The following DLC1 variants were observed in gnomAD, a reference collection of about 807,000 sequenced individuals.
The protein encoded by DLC1 is DLC1 Rho GTPase activating protein.
A neutral mutation model predicts 140.3 loss-of-function variants in DLC1; 54 were observed. The observed-to-expected ratio is 0.38, with a 90% CI of 0.31 to 0.48. The LOEUF (loss-of-function observed/expected upper bound fraction) is 0.48. DLC1 is among the 20% of genes least tolerant of loss of function. The pLI is 0.96. For synonymous variants in DLC1, 986 were observed against 728.1 expected (o/e 1.35, Z -5.70); for missense variants, 2,536 against 1,907.0 (o/e 1.33, Z -6.14).
intron 1 of DLC1, among the ~76,000 whole-genome samples, chr8:13,575,138 G>A (rs1804792775): frequency 6.6e-6 from 1 of 152,170 alleles, no homozygotes; most frequent in Non-Finnish European, 1.5e-5. Context: ...TCAAATTACA[G>A]CGAAAATTGC....
intron 4 of DLC1, among the ~76,000 whole-genome samples, chr8:13,348,558 C>T (rs974028832): frequency 3.9e-5 from 6 of 152,118 alleles, no homozygotes; most frequent in African/African-American, 1.4e-4. Context: ...AGATGATGAA[C>T]ACTTTTTGAC....
At chr8:13,306,988 G>T (rs1586105879) in intron 4 of DLC1, among the ~76,000 whole-genome samples, 1 of 148,948 alleles carries the variant, frequency 6.7e-6, no homozygotes, top group Admixed American at 6.8e-5. Flanking sequence ...GGAGGCTGAG[G>T]CAGGAGAACC....
intron 1 of DLC1, among the ~76,000 whole-genome samples, chr8:13,534,018 T>G (rs914181771): frequency 6.6e-6 from 1 of 152,136 alleles, no homozygotes; most frequent in Non-Finnish European, 1.5e-5. Flanking sequence ...TTTATAGCAG[T>G]ATGAAAATGG....
At chr8:13,297,994 G>A (rs73663525) in intron 5 of DLC1, among the ~76,000 whole-genome samples, 12,596 of 152,042 alleles carry the variant, frequency 0.083, 921 homozygotes, top group East Asian at 0.37. Flanking sequence ...TTTACAAGGA[G>A]CTTGGAATAA....
chr8:13,314,699 A>C (rs1468668752), intron 4 of DLC1, among the ~76,000 whole-genome samples: 4 of 152,226 alleles, frequency 2.6e-5, no homozygotes. Flanking sequence ...TAGAAGCTCA[A>C]AACATAAACC....
intron 5 of DLC1, among the ~76,000 whole-genome samples, chr8:13,189,943 C>T (rs1305967096): frequency 6.6e-6 from 1 of 151,622 alleles, no homozygotes. Context: ...GAGCCTTCAG[C>T]CAGGTGAGAG....
At chr8:13,537,730 T>A (rs1803334915) in intron 1 of DLC1, among the ~76,000 whole-genome samples, 1 of 143,582 alleles carries the variant, frequency 7.0e-6, no homozygotes, top group South Asian at 2.3e-4. Context: ...CTCGGCTCAC[T>A]GCAAGCTCCG....
intron 2 of DLC1, among the ~76,000 whole-genome samples, chr8:13,455,248 G>C (rs1236480357): frequency 6.6e-6 from 1 of 152,176 alleles, no homozygotes; most frequent in African/African-American, 2.4e-5. Flanking sequence ...TACATGTACA[G>C]ATGCACACAA....
intron 1 of DLC1, among the ~76,000 whole-genome samples, chr8:13,579,347 A>ATTTT (rs1804974741): frequency 1.9e-5 from 1 of 51,888 alleles, no homozygotes; most frequent in Admixed American, 3.0e-4. Context: ...ATATATATAT[A>ATTTT]TATATATATA....
chr8:13,273,303 A>T (rs1256036532), intron 5 of DLC1, among the ~76,000 whole-genome samples: 1 of 152,218 alleles, frequency 6.6e-6, no homozygotes, highest in Non-Finnish European at 1.5e-5. Context: ...TGTCCCCTGC[A>T]TCACTCAACC....
intron 1 of DLC1, among the ~76,000 whole-genome samples, chr8:13,598,857 CT>C (rs941069556): frequency 4.0e-5 from 6 of 151,422 alleles, no homozygotes; most frequent in Admixed American, 6.6e-5. Context: ...TAATTTAAAA[CT>C]TTTTTTTGGC....
intron 1 of DLC1, among the ~76,000 whole-genome samples, chr8:13,549,565 T>C (rs376612550): frequency 2.0e-5 from 3 of 152,118 alleles, no homozygotes; most frequent in South Asian, 4.1e-4. Context: ...ATAACTCATG[T>C]ATGTGACACA....
intron 1 of DLC1, among the ~76,000 whole-genome samples, chr8:13,601,655 AC>A (rs1231669612): frequency 4.7e-5 from 7 of 149,758 alleles, no homozygotes; most frequent in African/African-American, 1.2e-4. Context: ...CAAAAAAAAA[AC>A]AAAACAAAAC....
At chr8:13,374,859 C>G (rs1164020139) in intron 4 of DLC1, among the ~76,000 whole-genome samples, 10 of 152,124 alleles carry the variant, frequency 6.6e-5, no homozygotes, top group African/African-American at 2.4e-4. Flanking sequence ...TTTGTGTTCT[C>G]TTCTATTTTG....
intron 5 of DLC1, among the ~76,000 whole-genome samples, chr8:13,284,747 G>GA (rs1171547915): frequency 6.6e-6 from 1 of 151,768 alleles, no homozygotes; most frequent in Non-Finnish European, 1.5e-5. Flanking sequence ...TACTAGAAAT[G>GA]AACAGTTCAC....
chr8:13,165,937 C>G (rs146400784), intron 5 of DLC1, among the ~76,000 whole-genome samples: 106 of 152,250 alleles, frequency 7.0e-4, no homozygotes, highest in African/African-American at 2.3e-3. Context: ...TCCAGGGTCA[C>G]TGATATGATT....
At chr8:13,542,915 A>T (rs1253352529) in intron 1 of DLC1, among the ~76,000 whole-genome samples, 1 of 152,070 alleles carries the variant, frequency 6.6e-6, no homozygotes, top group East Asian at 1.9e-4. Flanking sequence ...CTATTACTGA[A>T]GATAGTTTTA....
intron 1 of DLC1, among the ~76,000 whole-genome samples, chr8:13,580,748 A>T (rs566172452): frequency 3.1e-4 from 47 of 152,332 alleles, no homozygotes; most frequent in African/African-American, 1.1e-3. Context: ...AGGCAGTATT[A>T]ACTATTTTAA....
intron 1 of DLC1, chr8:13,567,558 A>C (rs755261431): frequency 1.5e-4 from 231 of 1,551,700 alleles, no homozygotes; most frequent in Admixed American, 2.4e-4. Context: ...AACAGGAGGC[A>C]GCAGCTAAGC....
Sources: allele counts gnomAD v4.1 joint callset (sites outside exome capture counted in the v4.1 genomes callset), GRCh38; gene constraint gnomAD v4.1.1; transcripts MANE v1.5; gene names NCBI Gene and HGNC (gene_info 2026-07-23, HGNC 2026-07-21).